LARP4B: variants seen among roughly 807,000 people sequenced by gnomAD.
LARP4B encodes la-related protein 4B.
In LARP4B, 12 loss-of-function variants were observed where a neutral mutation model predicts 89.8. That is an observed-to-expected ratio of 0.13 (90% CI 0.09 to 0.22). The LOEUF (loss-of-function observed/expected upper bound fraction) is 0.22, where lower values mean the gene tolerates loss of function less well. LARP4B is among the 10% of genes least tolerant of loss of function. The pLI is 1.00. For synonymous variants in LARP4B, 367 were observed against 363.3 expected (o/e 1.01, Z -0.12); for missense variants, 757 against 947.7 (o/e 0.80, Z 2.64).
At chr10:958,784 C>A in the LARP4B span, among the ~76,000 whole-genome samples, 2 of 152,254 alleles carry the variant, frequency 1.3e-5, no homozygotes, top group Admixed American at 6.5e-5. Flanking sequence ...GACACACTGA[C>A]AACGTTCATG....
intron 1 of LARP4B, among the ~76,000 whole-genome samples, chr10:927,983 C>T (rs941896033): frequency 3.3e-5 from 5 of 151,826 alleles, no homozygotes; most frequent in Non-Finnish European, 5.9e-5. Context: ...GAGGCCGAGG[C>T]GGGCGAATCA....
At chr10:861,063 G>A (rs1264783779) in intron 5 of LARP4B, among the ~76,000 whole-genome samples, 1 of 152,170 alleles carries the variant, frequency 6.6e-6, no homozygotes, top group Non-Finnish European at 1.5e-5. Flanking sequence ...GGCTGAGGCA[G>A]GAGAATGGCG....
chr10:823,939 C>T (rs762285476), intron 13 of LARP4B, among the ~76,000 whole-genome samples: 3 of 152,184 alleles, frequency 2.0e-5, no homozygotes, highest in Non-Finnish European at 4.4e-5. Flanking sequence ...ACAATCCCTG[C>T]AGGAACTCCT....
chr10:945,443 T>C, the LARP4B span, among the ~76,000 whole-genome samples: 3 of 150,832 alleles, frequency 2.0e-5, no homozygotes, highest in Non-Finnish European at 4.4e-5. Flanking sequence ...TCCCAGCACT[T>C]TGGGAGGCCA....
At chr10:843,147 G>T in intron 6 of LARP4B, 79 bp from the exon 7 acceptor site, 1 of 1,276,926 alleles carries the variant, frequency 7.8e-7, no homozygotes, top group Non-Finnish European at 1.1e-6. Context: ...AGTTTCACAA[G>T]AGGCGTGAGT....
At chr10:876,676 C>G (rs894894180) in intron 3 of LARP4B, among the ~76,000 whole-genome samples, 14 of 152,108 alleles carry the variant, frequency 9.2e-5, no homozygotes, top group African/African-American at 3.4e-4. Context: ...ATGCTGCAAG[C>G]TGGCAGCTCC....
the LARP4B span, among the ~76,000 whole-genome samples, chr10:940,994 G>A: frequency 1.3e-4 from 20 of 152,152 alleles, no homozygotes; most frequent in Non-Finnish European, 2.1e-4. Flanking sequence ...CCTCTAAGAC[G>A]GACAGGAGCT....
At chr10:968,676 C>G in the LARP4B span, among the ~76,000 whole-genome samples, 1 of 152,208 alleles carries the variant, frequency 6.6e-6, no homozygotes. Context: ...TCTCAAAGAG[C>G]GAACATTCCT....
At chr10:862,847 ACCTACT>A (rs1834696824) in intron 5 of LARP4B, among the ~76,000 whole-genome samples, 1 of 152,002 alleles carries the variant, frequency 6.6e-6, no homozygotes, top group South Asian at 2.1e-4. Flanking sequence ...CTCCTTTCCC[ACCTACT>A]CTCTTCCTTT....
rs1830610315 is a variant in LARP4B, at chr10:931,509, C to CGGGGACGGCGAGGAG, written c.-136_-122dup. The CGGGGACGGCGAGGAG allele has an allele frequency of 6.8e-6, 1 of 147,212 alleles. No homozygotes were observed. The highest frequency in any genetic ancestry group is 2.5e-5 in the African/African-American group (1 of 40,256). 9.1% of individuals were successfully genotyped at this position (147,212 alleles called of 1,614,324 possible). A position where few individuals can be genotyped will look rare whatever the true frequency, so the allele number is the denominator to read the frequency against. On this transcript the variant is annotated 5_prime_UTR_variant, in exon 1 of 18. Coordinates refer to ENST00000316157, the MANE Select transcript of LARP4B (RefSeq NM_015155.3). ...CGGGGCCCGGCGGCCGCGCCACACG[C>CGGGGACGGCGAGGAG]GGGGACGGCGAGGAGAGAGACGGCA...
chr10:810,060 A>G lies in LARP4B; in HGVS notation c.*2866T>C, dbSNP rs1831688021. 6.6e-6 allele frequency: 1 copy of G among 152,170 alleles called. No homozygotes were observed. Among genetic ancestry groups the G allele is most frequent in the Admixed American group, 6.5e-5 (1 of 15,272 alleles). 9.4% of individuals were successfully genotyped at this position (152,170 alleles called of 1,614,324 possible). ...AACGGGACCAGGTTTTTATTCTTCT[A>G]TTTCAAAATGATAAGCATCATCACA... On this transcript the variant is annotated 3_prime_UTR_variant, in exon 18 of 18. Transcript: ENST00000316157.
the LARP4B span, among the ~76,000 whole-genome samples, chr10:970,026 C>T: frequency 3.9e-5 from 6 of 152,302 alleles, no homozygotes; most frequent in East Asian, 3.9e-4. Flanking sequence ...GCCACAACTC[C>T]GGTGACCTCT....
chr10:936,796 C>G (rs1830753231), upstream of LARP4B, among the ~76,000 whole-genome samples: 2 of 152,134 alleles, frequency 1.3e-5, no homozygotes, highest in African/African-American at 4.8e-5. Context: ...TGTGGAGTAT[C>G]TCCAGCCACA....
chr10:978,035 A>G, the LARP4B span, among the ~76,000 whole-genome samples: 1 of 152,308 alleles, frequency 6.6e-6, no homozygotes, highest in Middle Eastern at 3.4e-3. Context: ...TACAAACAGA[A>G]TAATGGGGCT....
intron 12 of LARP4B, 142 bp from the exon 13 acceptor site, chr10:825,458 C>T: frequency 3.7e-6 from 3 of 821,132 alleles, no homozygotes; most frequent in Non-Finnish European, 3.8e-6. Context: ...TGGTTAACTC[C>T]TAACATATAG....
At chr10:897,468 T>C (rs533097576) in intron 1 of LARP4B, among the ~76,000 whole-genome samples, 1 of 152,188 alleles carries the variant, frequency 6.6e-6, no homozygotes, top group East Asian at 1.9e-4. Context: ...TAGGCAATGG[T>C]TTATTAATTA....
rs968053389 is a variant in LARP4B at position 817,999 on chromosome 10, C to T, written c.1531-110G>A. ...CTGTAGAAACAAGCAGATCATTCAA[C>T]CCAGACAAGGGCTTCCTCACTCAAT... On this transcript the variant is annotated intron_variant, in intron 14 of 17. Coordinates refer to ENST00000316157, the MANE Select transcript of LARP4B (RefSeq NM_015155.3). 4 of 1,098,064 alleles carry T rather than the reference C, an allele frequency of 3.6e-6. No individual in the cohort carries two copies. In the Admixed American group the frequency reaches 1.0e-4, roughly 28 times the overall value. The allele number at this position is 1,098,064 out of a possible 1,614,324, so 68.0% of individuals were successfully genotyped here. A position where few individuals can be genotyped will look rare whatever the true frequency, so the allele number is the denominator to read the frequency against.
the LARP4B span, chr10:987,220 G>T: frequency 6.6e-6 from 1 of 152,240 alleles, no homozygotes; most frequent in Non-Finnish European, 1.5e-5. Flanking sequence ...CTTTAGAAGT[G>T]CCACAAAGAT....
At chr10:958,113 C>T in the LARP4B span, among the ~76,000 whole-genome samples, 17 of 152,286 alleles carry the variant, frequency 1.1e-4, no homozygotes, top group Admixed American at 8.5e-4. Flanking sequence ...TGATTTCCTC[C>T]GCGTAACTGT....
Sources: allele counts gnomAD v4.1 joint callset (sites outside exome capture counted in the v4.1 genomes callset), GRCh38; gene constraint gnomAD v4.1.1; transcripts MANE v1.5; gene names NCBI Gene and HGNC (gene_info 2026-07-23, HGNC 2026-07-21).